LRRC58: variants seen among roughly 807,000 people sequenced by gnomAD.
LRRC58 encodes the protein leucine-rich repeat-containing protein 58.
In LRRC58, 18 loss-of-function variants were observed where a neutral mutation model predicts 30.6. The observed-to-expected ratio is 0.59, with a 90% CI of 0.41 to 0.87. The LOEUF is 0.87. LRRC58 is among the 40% of genes least tolerant of loss of function. The pLI is 0.00. For synonymous variants in LRRC58, 221 were observed against 206.0 expected, an observed-to-expected ratio of 1.07 and a Z score of -0.62; for missense variants, 420 against 468.4, an observed-to-expected ratio of 0.90 and a Z score of 0.95.
rs1310807652 is a variant in LRRC58 at position 120,327,294 on chromosome 3, C to T, written c.*3906G>A. The T allele has an allele frequency of 7.5e-6, 1 of 133,686 alleles. No homozygotes were observed. The allele number at this position is 133,686 out of a possible 1,614,324, so 8.3% of individuals were successfully genotyped here. ...TGAGACGGAGTCTCGCTCTGTGGCC[C>T]AGGCGGGAGTGCAGTGGCGCAATCT... On this transcript the variant is annotated 3_prime_UTR_variant, in exon 4 of 4. Transcript: ENST00000295628.
In LRRC58 at chr3:120,335,055, T is replaced by C. The variant is rs994923171; in HGVS notation, c.714A>G (p.Glu238=). 3 of 1,613,864 alleles carry C rather than the reference T, an allele frequency of 1.9e-6. No homozygotes were observed. The highest frequency in any genetic ancestry group is 2.7e-5 in the African/African-American group (2 of 74,932). Residue 238 remains glutamate, a synonymous_variant, in exon 3 of 4, where the codon GAA becomes GAG. Transcript: ENST00000295628. ...ATGGATTTCCTCGTAAACTCAACTC[T>C]TCCAAATGAATAAGGTTGAGGATCT... ...PREILNLIHL[E]ELSLRGNPLV...
chr3:120,346,221 C>T (rs1301676333), intron 1 of LRRC58, among the ~76,000 whole-genome samples: 2 of 152,120 alleles, frequency 1.3e-5, no homozygotes, highest in Admixed American at 1.3e-4. Flanking sequence ...CATGCCACTG[C>T]ACTCCAGCCT....
Position 120,330,980 on chromosome 3 carries a change from GA to G in LRRC58, c.*219del. On this transcript the variant is annotated 3_prime_UTR_variant, in exon 4 of 4. Transcript: ENST00000295628. ...AAACTGCAAACCATCAGCCAAATGT[GA>G]AACTATCATTCACAAATTATGTTAA... is the stretch of plus-strand genomic sequence containing the variant. 1 of 529,966 alleles carries G rather than the reference GA, an allele frequency of 1.9e-6. No homozygotes were observed. Among genetic ancestry groups the G allele is most frequent in the Non-Finnish European group, 3.4e-6 (1 of 294,142 alleles). 32.8% of individuals were successfully genotyped at this position (529,966 alleles called of 1,614,324 possible).
At chr3:120,340,717 AC>A (rs1478142243) in intron 1 of LRRC58, among the ~76,000 whole-genome samples, 4 of 152,126 alleles carry the variant, frequency 2.6e-5, no homozygotes, top group Non-Finnish European at 5.9e-5. Flanking sequence ...TACTAAAAAA[AC>A]AAAAACAAAC....
In LRRC58 at chr3:120,349,296, T is replaced by A; in HGVS notation, c.-53A>T. 7.4e-7 allele frequency: 1 copy of A among 1,342,388 alleles called. No homozygotes were observed. Among genetic ancestry groups the A allele is most frequent in the Non-Finnish European group, 9.5e-7 (1 of 1,052,254 alleles). 83.2% of individuals were successfully genotyped at this position (1,342,388 alleles called of 1,614,324 possible). ...GGATTCCCCAGAGCGCCGCGCGCGG[T>A]CCAGAGGCCGGGAGCTCTGCGGCGC... On this transcript the variant is annotated 5_prime_UTR_variant, in exon 1 of 4. Transcript: ENST00000295628.
chr3:120,343,729 A>G (rs931176753), intron 1 of LRRC58, among the ~76,000 whole-genome samples: 1 of 152,212 alleles, frequency 6.6e-6, no homozygotes, highest in Admixed American at 6.5e-5. Flanking sequence ...GACACCGAAC[A>G]TCATAAAAAT....
At position 120,335,839 on chromosome 3, in the gene LRRC58, A is replaced by G. The variant is rs1935828616; in HGVS notation, c.615T>C (p.Pro205=). Residue 205 remains proline (P), a synonymous_variant, in exon 2 of 4, where the codon CCT becomes CCC. Coordinates refer to ENST00000295628, the MANE Select transcript of LRRC58 (RefSeq NM_001099678.2). ...GAACTACTCACTGTGAAAGTTGAGG[A>G]GGTATGCTTTGGATTTTGTTGTCAC... ...VLCDNKIQSI[P]PQLSQLHSLR... is the part of the protein sequence containing the mutation. 1 of 1,611,530 alleles carries G rather than the reference A, an allele frequency of 6.2e-7. No homozygotes were observed. The highest frequency in any genetic ancestry group is 1.3e-5 in the African/African-American group (1 of 74,998).
chr3:120,335,203 A>G (rs1435765430), intron 2 of LRRC58, 64 bp from the exon 3 acceptor site: 3 of 1,362,830 alleles, frequency 2.2e-6, no homozygotes, highest in Non-Finnish European at 3.1e-6. Flanking sequence ...AATATTGAAT[A>G]TATGTGTGTA....
intron 1 of LRRC58, among the ~76,000 whole-genome samples, chr3:120,339,172 T>A (rs1024112865): frequency 2.6e-5 from 4 of 152,184 alleles, no homozygotes; most frequent in African/African-American, 9.7e-5. Context: ...TTATTTTTGT[T>A]CTTTTCCCTC....
chr3:120,344,973 G>A (rs1361179265), intron 1 of LRRC58, among the ~76,000 whole-genome samples: 1 of 152,088 alleles, frequency 6.6e-6, no homozygotes, highest in Non-Finnish European at 1.5e-5. Flanking sequence ...ACATTTTGAT[G>A]GAAAGTAACT....
In LRRC58 at chr3:120,330,481, A is replaced by G. The variant is rs995496541; in HGVS notation, c.*719T>C. 1 of 152,160 alleles carries G rather than the reference A, an allele frequency of 6.6e-6. No individual in the cohort carries two copies. The highest frequency in any genetic ancestry group is 1.5e-5 in the Non-Finnish European group (1 of 67,988). 9.4% of individuals were successfully genotyped at this position (152,160 alleles called of 1,614,324 possible). A position where few individuals can be genotyped will look rare whatever the true frequency, so the allele number is the denominator to read the frequency against. On this transcript the variant is annotated 3_prime_UTR_variant, in exon 4 of 4. Coordinates refer to ENST00000295628, the MANE Select transcript of LRRC58 (RefSeq NM_001099678.2). The stretch of plus-strand genomic sequence containing the variant: ...TAGGTTGCTCTGGCATTACTTCTTG[A>G]ATACATTTTTATATCCTTGCTGGAT...
chr3:120,332,632 G>A (rs1353574076), intron 3 of LRRC58, among the ~76,000 whole-genome samples: 1 of 152,108 alleles, frequency 6.6e-6, no homozygotes, highest in South Asian at 2.1e-4. Context: ...ATTATACAAA[G>A]AAAAGTATCT....
chr3:120,348,512 T>C (rs1225318482), intron 1 of LRRC58, among the ~76,000 whole-genome samples: 1 of 152,144 alleles, frequency 6.6e-6, no homozygotes, highest in Non-Finnish European at 1.5e-5. Context: ...ACAGAAAAAA[T>C]GCCTCGAGAA....
At chr3:120,339,237 C>T (rs183397192) in intron 1 of LRRC58, among the ~76,000 whole-genome samples, 1 of 152,182 alleles carries the variant, frequency 6.6e-6, no homozygotes, top group East Asian at 1.9e-4. Flanking sequence ...GGAGTTACCC[C>T]CTTCAATTTT....
rs1028423034 is a variant in LRRC58, at chr3:120,325,676, A to G, written c.*5524T>C. On this transcript the variant is annotated 3_prime_UTR_variant, in exon 4 of 4. Transcript: ENST00000295628. ...TATTTACATACAAAAGTATTCAAAC[A>G]TGTCTCACTTTCAACCTATATTACA... The G allele has an allele frequency of 1.3e-5, 2 of 152,234 alleles. No individual in the cohort carries two copies. The highest frequency in any genetic ancestry group is 2.9e-5 in the Non-Finnish European group (2 of 68,044). The allele number at this position is 152,234 out of a possible 1,614,324, so 9.4% of individuals were successfully genotyped here. A position where few individuals can be genotyped will look rare whatever the true frequency, so the allele number is the denominator to read the frequency against.
At chr3:120,331,747 C>A (rs1439814913) in intron 3 of LRRC58, among the ~76,000 whole-genome samples, 1 of 152,080 alleles carries the variant, frequency 6.6e-6, no homozygotes, top group East Asian at 1.9e-4. Flanking sequence ...CAAGCCACCC[C>A]CTTGGTACTA....
At chr3:120,348,713 C>A in intron 1 of LRRC58, 31 bp downstream of exon 1, 1 of 1,508,372 alleles carries the variant, frequency 6.6e-7, no homozygotes, top group Non-Finnish European at 8.9e-7. Context: ...CCGCCCGAGG[C>A]CTCCCCACCC....
chr3:120,333,711 G>C (rs143633295), intron 3 of LRRC58, among the ~76,000 whole-genome samples: 2 of 152,226 alleles, frequency 1.3e-5, no homozygotes, highest in Non-Finnish European at 2.9e-5. Flanking sequence ...CCTACTATCA[G>C]TCACTAATTC....
At chr3:120,346,924 A>C (rs868237574) in intron 1 of LRRC58, among the ~76,000 whole-genome samples, 40 of 152,346 alleles carry the variant, frequency 2.6e-4, no homozygotes, top group African/African-American at 8.9e-4. Context: ...ACTTTATCAT[A>C]GCCTTCAAGA....
Sources: allele counts gnomAD v4.1 joint callset (sites outside exome capture counted in the v4.1 genomes callset), GRCh38; gene constraint gnomAD v4.1.1; transcripts MANE v1.5; gene names NCBI Gene and HGNC (gene_info 2026-07-23, HGNC 2026-07-21).